RALGAPA1: variants seen among roughly 807,000 people sequenced by gnomAD.
RALGAPA1 encodes the protein Ral GTPase activating protein catalytic subunit alpha 1.
A neutral mutation model predicts 269.6 loss-of-function variants in RALGAPA1; 52 were observed. That is an observed-to-expected ratio of 0.19 (90% CI 0.15 to 0.24). RALGAPA1 has a LOEUF of 0.24. RALGAPA1 is among the 10% of genes least tolerant of loss of function. The probability of loss-of-function intolerance (pLI) is 1.00; values close to 1 mark genes in which losing one functional copy is unlikely to be tolerated. For missense variants in RALGAPA1, 1,917 were observed against 3,013.9 expected (o/e 0.64, Z 8.52); for synonymous variants, 817 against 1,008.3 (o/e 0.81, Z 3.60).
At chr14:35,556,423 A>T (rs1327242526) in intron 39 of RALGAPA1, among the ~76,000 whole-genome samples, 1 of 152,160 alleles carries the variant, frequency 6.6e-6, no homozygotes, top group Non-Finnish European at 1.5e-5. Context: ...ACTGTAACTA[A>T]TTTTTTCCAG....
chr14:35,679,916 A>G (rs1358857450), intron 21 of RALGAPA1, among the ~76,000 whole-genome samples: 3 of 152,228 alleles, frequency 2.0e-5, no homozygotes, highest in African/African-American at 4.8e-5. Context: ...GTTACATAGT[A>G]GGTGAAAAGT....
intron 5 of RALGAPA1, among the ~76,000 whole-genome samples, chr14:35,761,910 T>C (rs960720664): frequency 1.3e-5 from 2 of 152,308 alleles, no homozygotes; most frequent in East Asian, 3.9e-4. Context: ...ACCCAAGCCA[T>C]GATGCCAAAA....
chr14:35,765,186 C>T (rs1265758329), intron 4 of RALGAPA1, among the ~76,000 whole-genome samples: 1 of 152,120 alleles, frequency 6.6e-6, no homozygotes, highest in East Asian at 1.9e-4. Context: ...TTCATTCATC[C>T]ATTTGTCCAT....
chr14:35,708,926 T>G lies in RALGAPA1; in HGVS notation c.2267-8624A>C, dbSNP rs139922374. On this transcript the variant is annotated intron_variant, in intron 16 of 41. Transcript: ENST00000680220. ...AGTATTATTCAACCATAAAAAAGAA[T>G]GAGATCCTGACATGAGGTCATTATG... is the stretch of plus-strand genomic sequence containing the variant. Among the ~76,000 whole-genome samples the G allele has an allele frequency of 2.1e-3, 324 of 152,184 alleles. 4 individuals are homozygous for G. Among genetic ancestry groups the G allele is most frequent in the African/African-American group, 7.5e-3 (311 of 41,558 alleles).
intron 31 of RALGAPA1, among the ~76,000 whole-genome samples, chr14:35,639,197 G>A (rs1462796798): frequency 6.6e-6 from 1 of 152,180 alleles, no homozygotes; most frequent in East Asian, 1.9e-4. Context: ...GTCATTATGT[G>A]ATGATAAAGG....
intron 33 of RALGAPA1, among the ~76,000 whole-genome samples, chr14:35,631,321 G>A (rs905623620): frequency 1.3e-4 from 19 of 151,830 alleles, no homozygotes; most frequent in African/African-American, 4.6e-4. Flanking sequence ...TTTTCTTTAT[G>A]AGATATGGAA....
chr14:35,580,919 T>C (rs531329355), intron 37 of RALGAPA1, among the ~76,000 whole-genome samples: 33 of 152,246 alleles, frequency 2.2e-4, no homozygotes, highest in Non-Finnish European at 4.1e-4. Context: ...CTTCCTCCAA[T>C]ATTACACTTC....
intron 21 of RALGAPA1, among the ~76,000 whole-genome samples, chr14:35,679,468 G>T (rs1201713947): frequency 2.6e-5 from 4 of 152,162 alleles, no homozygotes; most frequent in African/African-American, 9.7e-5. Flanking sequence ...CCCTAAACAT[G>T]CTCAGAACAC....
intron 37 of RALGAPA1, among the ~76,000 whole-genome samples, chr14:35,576,489 C>T (rs1265392795): frequency 6.6e-6 from 1 of 152,080 alleles, no homozygotes; most frequent in African/African-American, 2.4e-5. Flanking sequence ...TTTGGGCTAT[C>T]CTTAAGTTCA....
intron 3 of RALGAPA1, among the ~76,000 whole-genome samples, chr14:35,774,103 G>A (rs1306470406): frequency 1.3e-5 from 2 of 151,986 alleles, no homozygotes; most frequent in Admixed American, 6.6e-5. Flanking sequence ...ATTTTTAATA[G>A]AGACTAGGTC....
intron 3 of RALGAPA1, among the ~76,000 whole-genome samples, chr14:35,771,983 A>G (rs1226128964): frequency 1.3e-5 from 2 of 152,234 alleles, no homozygotes; most frequent in African/African-American, 4.8e-5. Flanking sequence ...TGAGAACCCC[A>G]TCAAATATTT....
intron 33 of RALGAPA1, among the ~76,000 whole-genome samples, chr14:35,631,116 G>C (rs930243049): frequency 6.6e-6 from 1 of 151,958 alleles, no homozygotes; most frequent in Non-Finnish European, 1.5e-5. Flanking sequence ...TTATAACCTA[G>C]AATATAATAA....
Position 35,577,329 on chromosome 14 carries a change from G to A in RALGAPA1, c.7210-4611C>T, listed in dbSNP as rs749295058. ...CCCCCCAGTGTGTTGGTATCGGAAG[G>A]TAGGGAACTCTGGGAGGTGATTATG... On this transcript the variant is annotated intron_variant, in intron 37 of 41. Transcript: ENST00000680220. 5.9e-5 allele frequency among the ~76,000 whole-genome samples: 9 copies of A among 152,128 alleles called. No individual in the cohort carries two copies. In the South Asian group the frequency reaches 1.7e-3, roughly 28 times the overall value.
chr14:35,603,837 A>T (rs895907308), intron 36 of RALGAPA1, among the ~76,000 whole-genome samples: 1 of 152,080 alleles, frequency 6.6e-6, no homozygotes, highest in Admixed American at 6.6e-5. Context: ...TACCAGAGGC[A>T]GGTGAAGGTG....
chr14:35,699,258 A>C, intron 17 of RALGAPA1, among the ~76,000 whole-genome samples: 1 of 152,178 alleles, frequency 6.6e-6, no homozygotes, highest in East Asian at 1.9e-4. Flanking sequence ...AATTTTTTTT[A>C]AACAAAACTG....
In RALGAPA1 at chr14:35,627,590, C is replaced by G. The variant is rs984996860; in HGVS notation, c.6357G>C (p.Leu2119=). ...SGKYSWDSAI[L]YGPPPVSGLS... ...AGCCACTTACAGGAGGTGGGCCATA[C>G]AGTATAGCAGAATCCCATGAATATT... The change falls in exon 34 of 42, where the codon CTG becomes CTC. Residue 2119 remains leucine, a synonymous_variant. Transcript: ENST00000680220. The G allele has an allele frequency of 1.4e-5, 22 of 1,567,450 alleles. No individual in the cohort carries two copies. Among genetic ancestry groups the G allele is most frequent in the Non-Finnish European group, 1.8e-5 (21 of 1,158,554 alleles).
At chr14:35,768,977 C>T (rs1567192280) in intron 4 of RALGAPA1, among the ~76,000 whole-genome samples, 1 of 119,336 alleles carries the variant, frequency 8.4e-6, no homozygotes, top group African/African-American at 3.3e-5. Flanking sequence ...CACTGTACTC[C>T]AGCCTGGGCA....
intron 36 of RALGAPA1, among the ~76,000 whole-genome samples, chr14:35,596,232 A>G (rs2058924835): frequency 6.6e-6 from 1 of 152,140 alleles, no homozygotes; most frequent in African/African-American, 2.4e-5. Context: ...TACAGTCCAC[A>G]ACAAAAATTA....
chr14:35,688,744 C>G lies in RALGAPA1; in HGVS notation c.3667G>C (p.Val1223Leu). Reference protein sequence around the residue: ...RPLDTLGTASVSSKTVKESTE... With the variant: ...RPLDTLGTASLSSKTVKESTE... Reference sequence around the variant, plus strand: ...GATTCCTTCACTGTTTTGCTGCTTACTGATGCAGTACCAAGTGTATCTAGA... The same window carrying G: ...GATTCCTTCACTGTTTTGCTGCTTAGTGATGCAGTACCAAGTGTATCTAGA... The change falls in exon 18 of 42, where the codon GTA (valine) becomes CTA (leucine). Residue 1223 changes from valine to leucine, a missense_variant. By Grantham distance (32) the Val-to-Leu change is conservative. Around this residue, in one of 11 missense-constraint regions of RALGAPA1, gnomAD observed 615 missense variants for 790.0 expected, o/e 0.78. Transcript: ENST00000680220. The G allele has an allele frequency of 6.8e-7, 1 of 1,464,262 alleles. No individual in the cohort carries two copies. The highest frequency in any genetic ancestry group is 9.0e-7 in the Non-Finnish European group (1 of 1,114,802). 90.7% of individuals were successfully genotyped at this position (1,464,262 alleles called of 1,614,324 possible). A position where few individuals can be genotyped will look rare whatever the true frequency, so the allele number is the denominator to read the frequency against.
Sources: allele counts gnomAD v4.1 joint callset (sites outside exome capture counted in the v4.1 genomes callset), GRCh38; gene constraint gnomAD v4.1.1; regional missense constraint gnomAD v4.1.1; transcripts MANE v1.5; gene names NCBI Gene and HGNC (gene_info 2026-07-23, HGNC 2026-07-21).